The following CADM1 variants were observed in gnomAD, a reference collection of about 807,000 sequenced individuals.
CADM1 encodes cell adhesion molecule 1.
CADM1 carries 15 observed loss-of-function variants against 53.1 expected under a neutral mutation model. That is an observed-to-expected ratio of 0.28 (90% CI 0.19 to 0.44). The LOEUF is 0.44. Among genes scored for constraint, CADM1 ranks in the 20% least tolerant of loss-of-function variants. CADM1 has a pLI of 1.00. For synonymous variants in CADM1, 281 were observed against 243.0 expected (o/e 1.16, Z -1.45); for missense variants, 434 against 611.3 (o/e 0.71, Z 3.06).
rs1393290827 is a variant in CADM1 at position 115,440,511 on chromosome 11, G to T, written c.124+63760C>A. ...TGGAGTTTACCAGATAGATCTCAAAGTCATTAAACAAATGCAATAAGATGC... is the reference window on the plus strand; with the variant it reads ...TGGAGTTTACCAGATAGATCTCAAATTCATTAAACAAATGCAATAAGATGC... On this transcript the variant is annotated intron_variant, in intron 1 of 11. Coordinates refer to ENST00000331581, the MANE Select transcript of CADM1 (RefSeq NM_001301043.2). Among the ~76,000 whole-genome samples, 3 of 152,174 alleles carry T rather than the reference G, an allele frequency of 2.0e-5. No individual in the cohort carries two copies. In the East Asian group the frequency reaches 5.8e-4, roughly 29 times the overall value.
At chr11:115,476,877 C>T (rs1399730619) in intron 1 of CADM1, among the ~76,000 whole-genome samples, 1 of 152,132 alleles carries the variant, frequency 6.6e-6, no homozygotes, top group Non-Finnish European at 1.5e-5. Context: ...CTGAAAGAGA[C>T]AGATGACACT....
chr11:115,236,215 T>C lies in CADM1; in HGVS notation c.424+2285A>G, dbSNP rs545962224. ...GGAGTCCTTTTCAGAGAACTGAAGA[T>C]AGCAACGAAGATGCTACTGTCATTC... is the stretch of plus-strand genomic sequence containing the variant. On this transcript the variant is annotated intron_variant, in intron 3 of 11. Coordinates refer to ENST00000331581, the MANE Select transcript of CADM1 (RefSeq NM_001301043.2). Among the ~76,000 whole-genome samples the C allele has an allele frequency of 8.5e-5, 13 of 152,356 alleles. No homozygotes were observed. The East Asian group carries it at 1.5e-3, about 18-fold the overall frequency.
intron 1 of CADM1, among the ~76,000 whole-genome samples, chr11:115,265,697 A>G (rs865946949): frequency 3.9e-5 from 6 of 152,358 alleles, no homozygotes; most frequent in Middle Eastern, 3.4e-3. Context: ...ATCCAAAAGA[A>G]TGACTTATGG....
intron 8 of CADM1, among the ~76,000 whole-genome samples, chr11:115,204,295 A>C (rs1204776634): frequency 6.6e-6 from 1 of 152,184 alleles, no homozygotes; most frequent in African/African-American, 2.4e-5. Flanking sequence ...GGCACAGACC[A>C]AAGTCCACTG....
At chr11:115,434,665 A>T (rs891912112) in intron 1 of CADM1, among the ~76,000 whole-genome samples, 1 of 152,076 alleles carries the variant, frequency 6.6e-6, no homozygotes, top group African/African-American at 2.4e-5. Context: ...GCATTCAGCA[A>T]GGACTTGGTC....
chr11:115,366,731 A>T (rs187104095), intron 1 of CADM1, among the ~76,000 whole-genome samples: 64 of 152,310 alleles, frequency 4.2e-4, no homozygotes, highest in African/African-American at 1.4e-3. Flanking sequence ...AAACTTTCTT[A>T]AGATGTCAAA....
intron 1 of CADM1, among the ~76,000 whole-genome samples, chr11:115,368,178 G>T (rs1425466482): frequency 8.5e-6 from 1 of 118,098 alleles, no homozygotes; most frequent in Non-Finnish European, 1.6e-5. Context: ...CAGATTGTTT[G>T]GGGGATAGCC....
rs564721984 is a variant in CADM1 at position 115,469,231 on chromosome 11, T to G, written c.124+35040A>C. Among the ~76,000 whole-genome samples, 3 of 152,336 alleles carry G rather than the reference T, an allele frequency of 2.0e-5. No individual in the cohort carries two copies. In the East Asian group the frequency reaches 5.8e-4, roughly 29 times the overall value. ...ATACTCACCTTTCATATAAAGCACT[T>G]CAGCCACTCCTCTATAAAAAATAAT... On this transcript the variant is annotated intron_variant, in intron 1 of 11. Transcript: ENST00000331581.
At chr11:115,206,755 CTTCTTTT>C (rs1940703527) in intron 8 of CADM1, among the ~76,000 whole-genome samples, 3 of 5,430 alleles carry the variant, frequency 5.5e-4, no homozygotes, top group Non-Finnish European at 1.8e-3. Flanking sequence ...TGACTGTGGA[CTTCTTTT>C]TTTTTTTTTT....
Position 115,209,657 on chromosome 11 carries a change from T to G in CADM1, c.995A>C (p.Asp332Ala). 6.2e-7 allele frequency: 1 copy of G among 1,611,080 alleles called. No homozygotes were observed. The highest frequency in any genetic ancestry group is 2.2e-5 in the East Asian group (1 of 44,782). The change falls in exon 8 of 12, where the codon GAT (aspartate) becomes GCT (alanine). Residue 332 changes from aspartate to alanine, a missense_variant and splice_region_variant. Physicochemically the swap from Asp to Ala is moderately radical, Grantham distance 126. This residue lies in a region of CADM1 where 311 missense variants were observed against 435.1 expected (regional missense o/e 0.71). Transcript: ENST00000331581. Reference protein sequence around the residue: ...AHSDYMLYVYDPPTTIPPPTT... With the variant: ...AHSDYMLYVYAPPTTIPPPTT... ...GGGAGGAGGGATAGTTGTGGGGGGA[T>G]CTGGATAGAAAAAAAAAGGAAAATC... is the stretch of plus-strand genomic sequence containing the variant.
Position 115,460,765 on chromosome 11 carries a change from C to T in CADM1, c.124+43506G>A, listed in dbSNP as rs188939988. Among the ~76,000 whole-genome samples the T allele has an allele frequency of 7.3e-5, 11 of 151,282 alleles. No individual in the cohort carries two copies. In the East Asian group the frequency reaches 2.1e-3, roughly 29 times the overall value. ...GGAGGTAAAAGTAACTTTATACTGC[C>T]TATGCACTAGAAAGAAAGAAAAAAA... On this transcript the variant is annotated intron_variant, in intron 1 of 11. Transcript: ENST00000331581.
intron 7 of CADM1, 28 bp from the exon 8 acceptor site, chr11:115,209,685 A>G: frequency 6.2e-7 from 1 of 1,611,370 alleles, no homozygotes; most frequent in South Asian, 1.1e-5. Flanking sequence ...GGAAAATCAA[A>G]CCCACAATGC....
intron 8 of CADM1, among the ~76,000 whole-genome samples, chr11:115,201,044 G>A (rs559041123): frequency 8.5e-5 from 13 of 152,276 alleles, no homozygotes; most frequent in South Asian, 8.3e-4. Context: ...TTGCTTCCCC[G>A]TTCTGGGGAT....
chr11:115,476,348 CA>C (rs1174334555), intron 1 of CADM1, among the ~76,000 whole-genome samples: 1 of 152,050 alleles, frequency 6.6e-6, no homozygotes, highest in African/African-American at 2.4e-5. Flanking sequence ...TGACCAAGAC[CA>C]GATAATCCAC....
intron 1 of CADM1, among the ~76,000 whole-genome samples, chr11:115,413,583 A>C (rs1947510836): frequency 6.6e-6 from 1 of 150,698 alleles, no homozygotes; most frequent in Admixed American, 6.6e-5. Flanking sequence ...AAACATGATC[A>C]CACAGGTAGT....
At chr11:115,468,113 CTG>C (rs1948934496) in intron 1 of CADM1, among the ~76,000 whole-genome samples, 1 of 152,154 alleles carries the variant, frequency 6.6e-6, no homozygotes, top group African/African-American at 2.4e-5. Flanking sequence ...GATAAGTAAA[CTG>C]TAATGATAAT....
At position 115,370,727 on chromosome 11, in the gene CADM1, C is replaced by T. The variant is rs1232230950; in HGVS notation, c.125-130307G>A. 2.6e-5 allele frequency among the ~76,000 whole-genome samples: 4 copies of T among 152,108 alleles called. No homozygotes were observed. The East Asian group carries it at 5.8e-4, about 22-fold the overall frequency. Reference sequence around the variant, plus strand: ...ATATGGCAGCCCAAGCAGACTAATACAGCTACACTATCTGTACAGAGGAAT... The same window carrying T: ...ATATGGCAGCCCAAGCAGACTAATATAGCTACACTATCTGTACAGAGGAAT... On this transcript the variant is annotated intron_variant, in intron 1 of 11. Transcript: ENST00000331581.
At chr11:115,414,617 A>G (rs1020918285) in intron 1 of CADM1, among the ~76,000 whole-genome samples, 1 of 152,246 alleles carries the variant, frequency 6.6e-6, no homozygotes, top group African/African-American at 2.4e-5. Flanking sequence ...ATCATGAGCC[A>G]AAGAGTTTCT....
At chr11:115,198,268 T>G in intron 9 of CADM1, 138 bp downstream of exon 9, 1 of 645,606 alleles carries the variant, frequency 1.5e-6, no homozygotes, top group Non-Finnish European at 2.7e-6. Flanking sequence ...TTTCAAACCT[T>G]AAAAAATTAT....
Sources: allele counts gnomAD v4.1 joint callset (sites outside exome capture counted in the v4.1 genomes callset), GRCh38; gene constraint gnomAD v4.1.1; regional missense constraint gnomAD v4.1.1; transcripts MANE v1.5; gene names NCBI Gene and HGNC (gene_info 2026-07-23, HGNC 2026-07-21).